Variants in CMTM3 observed in about 807,000 individuals in gnomAD.
CMTM3 encodes CKLF-like MARVEL transmembrane domain-containing protein 3.
CMTM3 carries 7 observed loss-of-function variants against 18.2 expected under a neutral mutation model. The observed-to-expected ratio is 0.38, with a 90% CI of 0.22 to 0.72. The LOEUF (loss-of-function observed/expected upper bound fraction) is 0.72, where lower values mean the gene tolerates loss of function less well. Ranked by LOEUF, CMTM3 falls within the 30% of genes least tolerant of loss-of-function variation. The pLI is 0.46. For missense variants in CMTM3, 227 were observed against 249.2 expected, an observed-to-expected ratio of 0.91 and a Z score of 0.60; for synonymous variants, 109 against 111.2, an observed-to-expected ratio of 0.98 and a Z score of 0.12.
rs1250592352 is a variant in CMTM3 at position 66,608,299 on chromosome 16, T to C, written c.148-10T>C. The stretch of plus-strand genomic sequence containing the variant: ...AGGCTCTGACTTCACCTCAAACTCC[T>C]TCCCCGCAGGGTCTCTCATTCATCA... On this transcript the variant is annotated splice_polypyrimidine_tract_variant and intron_variant, in intron 1 of 4. Coordinates refer to ENST00000567572, the MANE Select transcript of CMTM3 (RefSeq NM_181553.4). This position sits in a 1 kb window ranked among gnomAD's most constrained non-coding sequence, Gnocchi z 5.1. 5 of 1,613,958 alleles carry C rather than the reference T, an allele frequency of 3.1e-6. No homozygotes were observed. Among genetic ancestry groups the C allele is most frequent in the Non-Finnish European group, 4.2e-6 (5 of 1,179,886 alleles).
At position 66,605,983 on chromosome 16, in the gene CMTM3, G is replaced by C. The variant is rs1355017854; in HGVS notation, c.147+1031G>C. On this transcript the variant is annotated intron_variant, in intron 1 of 4. Coordinates refer to ENST00000567572, the MANE Select transcript of CMTM3 (RefSeq NM_181553.4). The surrounding 1 kb of genome is among the most constrained non-coding windows in gnomAD (Gnocchi z 4.6). ...CTGGAGACCACTGGGAGCCACTTGA[G>C]GGGAGAAGCCTCGAATCCACCGTCC... Among the ~76,000 whole-genome samples the C allele has an allele frequency of 6.6e-6, 1 of 152,022 alleles. No homozygotes were observed. The highest frequency in any genetic ancestry group is 2.4e-5 in the African/African-American group (1 of 41,396).
At position 66,612,736 on chromosome 16, in the gene CMTM3, T is replaced by A. The variant is rs1009395107; in HGVS notation, c.*99T>A. The A allele has an allele frequency of 5.7e-6, 7 of 1,218,996 alleles. No homozygotes were observed. The highest frequency in any genetic ancestry group is 8.3e-6 in the Non-Finnish European group (7 of 840,688). The allele number at this position is 1,218,996 out of a possible 1,614,324, so 75.5% of individuals were successfully genotyped here. ...TGGAGCGGAGGCCTGGACTTCTGAG[T>A]TGCAGAGGGGGCTGCGGACACAGCA... On this transcript the variant is annotated 3_prime_UTR_variant, in exon 5 of 5. Coordinates refer to ENST00000567572, the MANE Select transcript of CMTM3 (RefSeq NM_181553.4). This position sits in a 1 kb window ranked among gnomAD's most constrained non-coding sequence, Gnocchi z 6.0.
Position 66,605,018 on chromosome 16 carries a change from G to C in CMTM3, c.147+66G>C. 1 of 1,341,124 alleles carries C rather than the reference G, an allele frequency of 7.5e-7. No individual in the cohort carries two copies. The highest frequency in any genetic ancestry group is 9.6e-7 in the Non-Finnish European group (1 of 1,044,226). 83.1% of individuals were successfully genotyped at this position (1,341,124 alleles called of 1,614,324 possible). ...GCGGCTCCTTTCGGAGGAGGACGTC[G>C]GGGCGCGGGTGGGGTCCGGGGGCGG... On this transcript the variant is annotated intron_variant, in intron 1 of 4. Transcript: ENST00000567572. The surrounding 1 kb of genome is among the most constrained non-coding windows in gnomAD (Gnocchi z 4.6).
chr16:66,608,196 T>C lies in CMTM3; in HGVS notation c.148-113T>C, dbSNP rs1294707826. 26 of 1,167,178 alleles carry C rather than the reference T, an allele frequency of 2.2e-5. No individual in the cohort carries two copies. The East Asian group carries it at 5.9e-4, about 26-fold the overall frequency. The allele number at this position is 1,167,178 out of a possible 1,614,324, so 72.3% of individuals were successfully genotyped here. ...TTCCCAGCTGCGGGACTGTGAGCAG[T>C]TGGCTTCCCCTGCTGGAACCTCCTC... is the stretch of plus-strand genomic sequence containing the variant. On this transcript the variant is annotated intron_variant, in intron 1 of 4. Coordinates refer to ENST00000567572, the MANE Select transcript of CMTM3 (RefSeq NM_181553.4). The surrounding 1 kb of genome is among the most constrained non-coding windows in gnomAD (Gnocchi z 5.1).
At position 66,605,037 on chromosome 16, in the gene CMTM3, G is replaced by C. The variant is rs2015083710; in HGVS notation, c.147+85G>C. The C allele has an allele frequency of 8.0e-7, 1 of 1,242,922 alleles. No homozygotes were observed. The highest frequency in any genetic ancestry group is 1.6e-5 in the African/African-American group (1 of 62,684). The allele number at this position is 1,242,922 out of a possible 1,614,324, so 77.0% of individuals were successfully genotyped here. On this transcript the variant is annotated intron_variant, in intron 1 of 4. Transcript: ENST00000567572. This position sits in a 1 kb window ranked among gnomAD's most constrained non-coding sequence, Gnocchi z 4.6. Reference sequence around the variant, plus strand: ...GACGTCGGGGCGCGGGTGGGGTCCGGGGGCGGCCGCCGTGCTCCGATACCC... The same window carrying C: ...GACGTCGGGGCGCGGGTGGGGTCCGCGGGCGGCCGCCGTGCTCCGATACCC...
At position 66,609,885 on chromosome 16, in the gene CMTM3, G is replaced by A. The variant is rs377673415; in HGVS notation, c.402G>A (p.Val134=). The change falls in exon 4 of 5, where the codon GTG becomes GTA. Residue 134 remains valine (V), a splice_region_variant and synonymous_variant. Coordinates refer to ENST00000567572, the MANE Select transcript of CMTM3 (RefSeq NM_181553.4). This position sits in a 1 kb window ranked among gnomAD's most constrained non-coding sequence, Gnocchi z 4.4. The stretch of plus-strand genomic sequence containing the variant: ...CATCCCATCCACCCTGTCCACAGGT[G>A]TTTGGCTTCTTTGCTACCATCGTGT... ...YSDGASKAAG[V]FGFFATIVFA... The A allele has an allele frequency of 5.0e-5, 81 of 1,614,082 alleles. No individual in the cohort carries two copies. Among genetic ancestry groups the A allele is most frequent in the Middle Eastern group, 1.6e-4 (1 of 6,084 alleles).
Position 66,609,491 on chromosome 16 carries a change from C to A in CMTM3, c.360C>A (p.Ala120=). 1 of 1,611,124 alleles carries A rather than the reference C, an allele frequency of 6.2e-7. No homozygotes were observed. Among genetic ancestry groups the A allele is most frequent in the South Asian group, 1.1e-5 (1 of 90,308 alleles). Residue 120 remains alanine, a synonymous_variant, in exon 3 of 5, where the codon GCC becomes GCA. Coordinates refer to ENST00000567572, the MANE Select transcript of CMTM3 (RefSeq NM_181553.4). The surrounding 1 kb of genome is among the most constrained non-coding windows in gnomAD (Gnocchi z 4.4). ...TCTACTTTGCTATCTCCATCACGGC[C>A]ATCGCCAAGTACTCGGATGGGGCTT... ...ALIYFAISIT[A]IAKYSDGASK...
rs2015439104 is a variant in CMTM3 at position 66,612,979 on chromosome 16, T to C, written c.*342T>C. 1 of 692,744 alleles carries C rather than the reference T, an allele frequency of 1.4e-6. No homozygotes were observed. Among genetic ancestry groups the C allele is most frequent in the South Asian group, 1.5e-5 (1 of 66,628 alleles). 42.9% of individuals were successfully genotyped at this position (692,744 alleles called of 1,614,324 possible). On this transcript the variant is annotated 3_prime_UTR_variant, in exon 5 of 5. Transcript: ENST00000567572. This position sits in a 1 kb window ranked among gnomAD's most constrained non-coding sequence, Gnocchi z 6.0. ...CTGTATCTGGGCAGCAGGTGTTCCA[T>C]GCTGCTAGGTGGCGGGGGTCGGGGG... is the stretch of plus-strand genomic sequence containing the variant.
Position 66,613,494 on chromosome 16 carries a change from C to T in CMTM3, c.*857C>T, listed in dbSNP as rs2015460949. ...GACCTCAGGGCAGGTCTATGGGCCA[C>T]TGCAGGAGATGAGACCAGCCTTCTG... is the stretch of plus-strand genomic sequence containing the variant. On this transcript the variant is annotated 3_prime_UTR_variant, in exon 5 of 5. Transcript: ENST00000567572. 4.4e-6 allele frequency: 1 copy of T among 229,158 alleles called. No homozygotes were observed. Among genetic ancestry groups the T allele is most frequent in the South Asian group, 1.2e-4 (1 of 8,238 alleles). The allele number at this position is 229,158 out of a possible 1,614,324, so 14.2% of individuals were successfully genotyped here.
Position 66,610,908 on chromosome 16 carries a change from G to T in CMTM3, c.520+905G>T. 1 of 398,630 alleles carries T rather than the reference G, an allele frequency of 2.5e-6. No individual in the cohort carries two copies. The highest frequency in any genetic ancestry group is 1.3e-4 in the South Asian group (1 of 7,856). The allele number at this position is 398,630 out of a possible 1,614,324, so 24.7% of individuals were successfully genotyped here. A position where few individuals can be genotyped will look rare whatever the true frequency, so the allele number is the denominator to read the frequency against. ...CAGAAACCGTCCTTCTGCTGAAAAT[G>T]AATGCCACTCATCCCATCCCGTCCC... On this transcript the variant is annotated intron_variant, in intron 4 of 4. Coordinates refer to ENST00000567572, the MANE Select transcript of CMTM3 (RefSeq NM_181553.4). This position sits in a 1 kb window ranked among gnomAD's most constrained non-coding sequence, Gnocchi z 4.6.
chr16:66,609,555 G>C lies in CMTM3; in HGVS notation c.399+25G>C. ...GGTGAGCAGCCGCCCCACCCCTCTGGAAACTGCAGATGCCCCTCTAGCCCC... is the reference window on the plus strand; with the variant it reads ...GGTGAGCAGCCGCCCCACCCCTCTGCAAACTGCAGATGCCCCTCTAGCCCC... On this transcript the variant is annotated intron_variant, in intron 3 of 4. Coordinates refer to ENST00000567572, the MANE Select transcript of CMTM3 (RefSeq NM_181553.4). The surrounding 1 kb of genome is among the most constrained non-coding windows in gnomAD (Gnocchi z 4.4). 6.4e-7 allele frequency: 1 copy of C among 1,568,672 alleles called. No homozygotes were observed. Among genetic ancestry groups the C allele is most frequent in the Non-Finnish European group, 8.7e-7 (1 of 1,153,828 alleles).
rs2015395720 is a variant in CMTM3, at chr16:66,612,075, G to A, written c.521-534G>A. Among the ~76,000 whole-genome samples the A allele has an allele frequency of 6.6e-6, 1 of 152,156 alleles. No homozygotes were observed. The highest frequency in any genetic ancestry group is 1.9e-4 in the East Asian group (1 of 5,170). On this transcript the variant is annotated intron_variant, in intron 4 of 4. Transcript: ENST00000567572. This position sits in a 1 kb window ranked among gnomAD's most constrained non-coding sequence, Gnocchi z 6.0. Reference sequence around the variant, plus strand: ...GGGGCACCTGGGCTTCAGTCTTGGGGTGGAAACACCCCCACCTGCACCCGC... The same window carrying A: ...GGGGCACCTGGGCTTCAGTCTTGGGATGGAAACACCCCCACCTGCACCCGC...
upstream of CMTM3, chr16:66,604,448 G>A (rs1339938383): frequency 1.1e-5 from 2 of 184,982 alleles, no homozygotes; most frequent in African/African-American, 2.3e-5. Context: ...CGGAGACAGC[G>A]AGTATAGACA....
intron 1 of CMTM3, among the ~76,000 whole-genome samples, chr16:66,607,765 G>A (rs979528059): frequency 2.6e-5 from 4 of 152,118 alleles, no homozygotes; most frequent in Non-Finnish European, 5.9e-5. Context: ...GCTGGGGTGG[G>A]GTAAGGTGAG....
chr16:66,612,463 C>A lies in CMTM3; in HGVS notation c.521-146C>A. 1.3e-6 allele frequency: 1 copy of A among 744,170 alleles called. No individual in the cohort carries two copies. The highest frequency in any genetic ancestry group is 2.2e-6 in the Non-Finnish European group (1 of 447,212). 46.1% of individuals were successfully genotyped at this position (744,170 alleles called of 1,614,324 possible). ...TCAGGCCCGCGGCCTGCCCTGATGC[C>A]AGCGATCACTGGGAACGGTAGAGTC... On this transcript the variant is annotated intron_variant, in intron 4 of 4. Coordinates refer to ENST00000567572, the MANE Select transcript of CMTM3 (RefSeq NM_181553.4). This position sits in a 1 kb window ranked among gnomAD's most constrained non-coding sequence, Gnocchi z 6.0.
chr16:66,612,493 G>T lies in CMTM3; in HGVS notation c.521-116G>T. 1 of 1,031,790 alleles carries T rather than the reference G, an allele frequency of 9.7e-7. No individual in the cohort carries two copies. Among genetic ancestry groups the T allele is most frequent in the Non-Finnish European group, 1.5e-6 (1 of 684,936 alleles). 63.9% of individuals were successfully genotyped at this position (1,031,790 alleles called of 1,614,324 possible). The stretch of plus-strand genomic sequence containing the variant: ...ATCACTGGGAACGGTAGAGTCAGCT[G>T]CAGGAGGCCTGCACCCAGGCTCCTG... On this transcript the variant is annotated intron_variant, in intron 4 of 4. Transcript: ENST00000567572. This position sits in a 1 kb window ranked among gnomAD's most constrained non-coding sequence, Gnocchi z 6.0.
At position 66,605,641 on chromosome 16, in the gene CMTM3, G is replaced by A. The variant is rs2015120815; in HGVS notation, c.147+689G>A. ...GGAGACCGGGGGAGGCGGGAGGAGA[G>A]AGCGGCGCACGGCGGCGGCCACTTG... On this transcript the variant is annotated intron_variant, in intron 1 of 4. Transcript: ENST00000567572. The surrounding 1 kb of genome is among the most constrained non-coding windows in gnomAD (Gnocchi z 4.6). 6.5e-6 allele frequency: 1 copy of A among 153,906 alleles called. No homozygotes were observed. The highest frequency in any genetic ancestry group is 6.5e-5 in the Admixed American group (1 of 15,310). The allele number at this position is 153,906 out of a possible 1,614,324, so 9.5% of individuals were successfully genotyped here.
rs371983153 is a variant in CMTM3, at chr16:66,610,967, T to C, written c.520+964T>C. 1.1e-4 allele frequency: 44 copies of C among 398,434 alleles called. No individual in the cohort carries two copies. The South Asian group carries it at 3.3e-3, about 30-fold the overall frequency. The allele number at this position is 398,434 out of a possible 1,614,324, so 24.7% of individuals were successfully genotyped here. On this transcript the variant is annotated intron_variant, in intron 4 of 4. Transcript: ENST00000567572. The surrounding 1 kb of genome is among the most constrained non-coding windows in gnomAD (Gnocchi z 4.6). ...TATTAGGTTAGAGCTCCCAGGCGGTTTCCTCAGGCTCTGCAACCTGCTCCC... is the reference window on the plus strand; with the variant it reads ...TATTAGGTTAGAGCTCCCAGGCGGTCTCCTCAGGCTCTGCAACCTGCTCCC...
Position 66,609,265 on chromosome 16 carries a change from G to C in CMTM3, c.304-170G>C, listed in dbSNP as rs1183185708. ...AGTGTCAGCTGCTGGCAAGGCAGCA[G>C]AGGCACCTCGGGGGTGGGACAAGGG... On this transcript the variant is annotated intron_variant, in intron 2 of 4. Transcript: ENST00000567572. This position sits in a 1 kb window ranked among gnomAD's most constrained non-coding sequence, Gnocchi z 4.4. 4.9e-6 allele frequency: 3 copies of C among 613,078 alleles called. No homozygotes were observed. Among genetic ancestry groups the C allele is most frequent in the Non-Finnish European group, 8.6e-6 (3 of 347,946 alleles). 38.0% of individuals were successfully genotyped at this position (613,078 alleles called of 1,614,324 possible).
Sources: gnomAD v4.1 joint callset for allele counts (sites outside exome capture counted in the v4.1 genomes callset) on GRCh38, gnomAD v4.1.1 for gene constraint, Gnocchi (gnomAD v3.1) non-coding constraint, MANE v1.5 for transcripts, NCBI Gene and HGNC (gene_info 2026-07-23, HGNC 2026-07-21) for gene names.